MAGI2: variants seen among roughly 807,000 people sequenced by gnomAD.
The protein encoded by MAGI2 is membrane associated guanylate kinase, WW and PDZ domain containing 2.
A neutral mutation model predicts 133.3 loss-of-function variants in MAGI2; 35 were observed. The observed-to-expected ratio is 0.26, with a 90% CI of 0.20 to 0.35. MAGI2 has a LOEUF of 0.35. MAGI2 is among the 10% of genes least tolerant of loss of function. MAGI2 has a pLI of 1.00. For synonymous variants in MAGI2, 729 were observed against 710.6 expected (o/e 1.03, Z -0.41); for missense variants, 1,636 against 1,863.4 (o/e 0.88, Z 2.25).
chr7:78,955,401 T>C (rs1802214957), intron 2 of MAGI2, among the ~76,000 whole-genome samples: 1 of 152,152 alleles, frequency 6.6e-6, no homozygotes, highest in Admixed American at 6.5e-5. Context: ...ACTCAAATGC[T>C]GAGCATATAT....
intron 10 of MAGI2, among the ~76,000 whole-genome samples, chr7:78,239,535 A>G (rs1790906317): frequency 7.1e-6 from 1 of 141,644 alleles, no homozygotes; most frequent in Non-Finnish European, 1.6e-5. Flanking sequence ...TATCTAAAAT[A>G]TATAAGGAAC....
At chr7:78,486,699 G>A (rs566408217) in intron 6 of MAGI2, 6 of 397,686 alleles carry the variant, frequency 1.5e-5, no homozygotes, top group South Asian at 1.3e-4. Context: ...TCCAACTGGA[G>A]TCCAGCAAGG....
chr7:78,160,349 T>C, intron 15 of MAGI2, 76 bp from the exon 16 acceptor site: 1 of 1,400,132 alleles, frequency 7.1e-7, no homozygotes, highest in Non-Finnish European at 9.5e-7. Flanking sequence ...TACTAGGCAC[T>C]GTTCTAGACA....
intron 2 of MAGI2, among the ~76,000 whole-genome samples, chr7:78,791,048 A>C (rs750875656): frequency 7.9e-5 from 12 of 152,192 alleles, no homozygotes; most frequent in Non-Finnish European, 1.3e-4. Context: ...TGGTTTTCTA[A>C]ATGTTAATCA....
chr7:79,087,199 C>A (rs896353211), intron 1 of MAGI2, among the ~76,000 whole-genome samples: 1 of 151,786 alleles, frequency 6.6e-6, no homozygotes, highest in African/African-American at 2.4e-5. Flanking sequence ...AATCTAAGAA[C>A]TTTGACAGAA....
At chr7:78,136,611 T>A (rs1164567158) in intron 16 of MAGI2, among the ~76,000 whole-genome samples, 3 of 152,214 alleles carry the variant, frequency 2.0e-5, no homozygotes, top group Admixed American at 6.5e-5. Context: ...GCCTATTCCC[T>A]TTCCATTCTC....
Position 78,019,945 on chromosome 7 carries a change from G to GGCA in MAGI2, c.3735_3737dup (p.Ala1248dup). 1 of 1,608,444 alleles carries GGCA rather than the reference G, an allele frequency of 6.2e-7. No homozygotes were observed. Among genetic ancestry groups the GGCA allele is most frequent in the East Asian group, 2.2e-5 (1 of 44,470 alleles). Reference sequence around the variant, plus strand: ...CTACTTCCGGCAGACCTGGGGCGGCGGCAGCGGGAGAACTCCAGGGGGCGG... The same window carrying GGCA: ...CTACTTCCGGCAGACCTGGGGCGGCGGCAGCAGCGGGAGAACTCCAGGGGGCGG... On this transcript the variant is annotated inframe_insertion, in exon 22 of 22. Coordinates refer to ENST00000354212, the MANE Select transcript of MAGI2 (RefSeq NM_012301.4).
At chr7:78,393,779 C>G (rs769581830) in intron 6 of MAGI2, among the ~76,000 whole-genome samples, 3 of 152,034 alleles carry the variant, frequency 2.0e-5, no homozygotes, top group Non-Finnish European at 2.9e-5. Context: ...CACGACATTG[C>G]CTAAGGGATG....
intron 21 of MAGI2, among the ~76,000 whole-genome samples, chr7:78,057,979 A>ATATT (rs1812783942): frequency 9.6e-6 from 1 of 104,070 alleles, no homozygotes; most frequent in South Asian, 2.9e-4. Context: ...ATATATGTGT[A>ATATT]TATATATATA....
intron 9 of MAGI2, among the ~76,000 whole-genome samples, chr7:78,299,728 G>A (rs189097755): frequency 8.5e-5 from 13 of 152,208 alleles, no homozygotes; most frequent in African/African-American, 2.9e-4. Flanking sequence ...GTATCCACTA[G>A]CTATTCTTCC....
At chr7:79,092,836 T>C (rs1463032447) in intron 1 of MAGI2, among the ~76,000 whole-genome samples, 9 of 152,152 alleles carry the variant, frequency 5.9e-5, no homozygotes, top group Non-Finnish European at 1.0e-4. Flanking sequence ...CATCAACCCC[T>C]AATGTCTTCA....
chr7:79,052,480 C>T (rs1041449945), intron 1 of MAGI2, among the ~76,000 whole-genome samples: 4 of 152,156 alleles, frequency 2.6e-5, no homozygotes, highest in Non-Finnish European at 4.4e-5. Flanking sequence ...AGAAGGCTTT[C>T]CCACTCTTCC....
chr7:78,796,196 T>A (rs1358750024), intron 2 of MAGI2, among the ~76,000 whole-genome samples: 1 of 151,976 alleles, frequency 6.6e-6, no homozygotes, highest in East Asian at 1.9e-4. Context: ...AGTGAAGAGA[T>A]AACCTACAGA....
chr7:79,004,515 A>G (rs931125212), intron 2 of MAGI2, among the ~76,000 whole-genome samples: 1 of 152,194 alleles, frequency 6.6e-6, no homozygotes, highest in Admixed American at 6.5e-5. Flanking sequence ...TAGATAAAAG[A>G]TAGAAGTTCT....
At chr7:79,030,207 G>A (rs977948871) in intron 1 of MAGI2, 1 of 152,222 alleles carries the variant, frequency 6.6e-6, no homozygotes, top group African/African-American at 2.4e-5. Flanking sequence ...TTGTTTTGGT[G>A]AGGGAAGAAT....
intron 2 of MAGI2, among the ~76,000 whole-genome samples, chr7:78,921,032 A>T (rs1369318824): frequency 2.0e-5 from 3 of 152,154 alleles, no homozygotes; most frequent in Non-Finnish European, 4.4e-5. Context: ...ATATGGACTC[A>T]GGAACAGGCT....
intron 2 of MAGI2, among the ~76,000 whole-genome samples, chr7:78,679,103 C>T (rs1044272153): frequency 5.3e-5 from 8 of 152,184 alleles, no homozygotes; most frequent in African/African-American, 1.9e-4. Flanking sequence ...GTCTACTTTG[C>T]CCTCACCCAT....
At chr7:78,502,366 T>C (rs994156340) in intron 4 of MAGI2, among the ~76,000 whole-genome samples, 1 of 152,098 alleles carries the variant, frequency 6.6e-6, no homozygotes, top group African/African-American at 2.4e-5. Context: ...GAAATATTAG[T>C]GGCCTCTAGA....
rs537208507 is a variant in MAGI2, at chr7:79,124,171, T to C, written c.302-116965A>G. On this transcript the variant is annotated intron_variant, in intron 1 of 21. Transcript: ENST00000354212. ...TAAAGAAATTCTAAACACCAGAAAG[T>C]GAGTGAGACTATATTATTTTAGCCA... is the stretch of plus-strand genomic sequence containing the variant. 3.3e-4 allele frequency among the ~76,000 whole-genome samples: 50 copies of C among 152,308 alleles called. 1 individual carries two copies. The South Asian group carries it at 6.8e-3, about 21-fold the overall frequency.
Sources: gnomAD v4.1 joint callset for allele counts (sites outside exome capture counted in the v4.1 genomes callset) on GRCh38, gnomAD v4.1.1 for gene constraint, MANE v1.5 for transcripts, NCBI Gene and HGNC (gene_info 2026-07-23, HGNC 2026-07-21) for gene names.